CNTNAP3B: variants seen among roughly 807,000 people sequenced by gnomAD.
CNTNAP3B encodes contactin-associated protein-like 3B.
CNTNAP3B carries 25 observed loss-of-function variants against 108.9 expected under a neutral mutation model. The observed-to-expected ratio is 0.23, with a 90% CI of 0.17 to 0.32. The LOEUF is 0.32. Among genes scored for constraint, CNTNAP3B ranks in the 10% least tolerant of loss-of-function variants. The probability of loss-of-function intolerance (pLI) is 1.00; values close to 1 mark genes in which losing one functional copy is unlikely to be tolerated. For missense variants in CNTNAP3B, 252 were observed against 1,210.4 expected, an observed-to-expected ratio of 0.21 and a Z score of 11.75; for synonymous variants, 103 against 473.4, an observed-to-expected ratio of 0.22 and a Z score of 10.16.
chr9:41,960,870 T>C lies in CNTNAP3B; in HGVS notation c.1779A>G (p.Glu593=), dbSNP rs763969798. The change falls in exon 12 of 24, where the codon GAA becomes GAG. Residue 593 remains glutamate (E), a synonymous_variant. Coordinates refer to ENST00000377561, the MANE Select transcript of CNTNAP3B (RefSeq NM_001201380.3). ...CHSSLYEQSC[E]AHKHRGNPSG... is the part of the protein sequence containing the mutation. ...ATGGGTTCCCTCGGTGCTTGTGGGC[T>C]TCACAAGACTGCTCGTAGAGAGCTG... 6.2e-7 allele frequency: 1 copy of C among 1,605,788 alleles called. No homozygotes were observed. Among genetic ancestry groups the C allele is most frequent in the Admixed American group, 1.7e-5 (1 of 57,668 alleles).
chr9:42,060,974 AT>A (rs996971665), intron 3 of CNTNAP3B, among the ~76,000 whole-genome samples: 45 of 88,468 alleles, frequency 5.1e-4, no homozygotes, highest in Middle Eastern at 9.7e-3. Context: ...ACTTTTATGG[AT>A]TTTTTTTATT....
chr9:41,973,248 G>T (rs1233402056), intron 9 of CNTNAP3B, among the ~76,000 whole-genome samples: 1 of 143,964 alleles, frequency 6.9e-6, no homozygotes, highest in African/African-American at 2.6e-5. Context: ...CGCCCAGCCA[G>T]GTTATTCTTA....
chr9:42,125,143 TC>T (rs1828539203), intron 1 of CNTNAP3B, among the ~76,000 whole-genome samples: 1 of 136,132 alleles, frequency 7.3e-6, no homozygotes, highest in Non-Finnish European at 1.6e-5. Context: ...ATCACAGTCA[TC>T]ATGGATAAAG....
intron 9 of CNTNAP3B, among the ~76,000 whole-genome samples, chr9:41,972,533 A>G (rs1317272064): frequency 7.2e-6 from 1 of 138,470 alleles, no homozygotes; most frequent in Non-Finnish European, 1.5e-5. Flanking sequence ...TATCTCTTTA[A>G]CTTTAATACT....
At chr9:41,967,510 T>G (rs1338455813) in intron 10 of CNTNAP3B, among the ~76,000 whole-genome samples, 1 of 152,284 alleles carries the variant, frequency 6.6e-6, no homozygotes, top group African/African-American at 2.4e-5. Flanking sequence ...ATTAGCAGCA[T>G]GAGAACAGAC....
At chr9:42,093,243 G>A (rs1827837638) in intron 2 of CNTNAP3B, among the ~76,000 whole-genome samples, 1 of 94,926 alleles carries the variant, frequency 1.1e-5, no homozygotes, top group Non-Finnish European at 2.2e-5. Context: ...TACTCAGAAG[G>A]CTGAGGCAGG....
chr9:42,080,633 GTCAC>G (rs1347727381), intron 2 of CNTNAP3B, among the ~76,000 whole-genome samples: 1 of 115,302 alleles, frequency 8.7e-6, no homozygotes, highest in East Asian at 3.0e-4. Context: ...TAATTGTCCA[GTCAC>G]TCAGCCTCTC....
At chr9:41,929,227 T>A in intron 15 of CNTNAP3B, 90 bp downstream of exon 15, 2 of 1,433,866 alleles carry the variant, frequency 1.4e-6, no homozygotes, top group East Asian at 5.1e-5. Context: ...GCCACTATTC[T>A]CTTTCTGGCA....
chr9:42,049,427 A>G (rs1165100767), intron 3 of CNTNAP3B, among the ~76,000 whole-genome samples: 1 of 133,234 alleles, frequency 7.5e-6, no homozygotes, highest in Non-Finnish European at 1.6e-5. Context: ...GTTAGCATTT[A>G]TGTAGCCAAA....
At chr9:41,925,804 C>G (rs1416255035) in intron 15 of CNTNAP3B, among the ~76,000 whole-genome samples, 1 of 152,002 alleles carries the variant, frequency 6.6e-6, no homozygotes, top group Non-Finnish European at 1.5e-5. Flanking sequence ...CTTTTTTTTT[C>G]CCCTTTGTCA....
Position 41,953,351 on chromosome 9 carries a change from G to GGCCACCGTGCCGC in CNTNAP3B, c.1899_1911dup (p.Pro638AlafsTer74), listed in dbSNP as rs1824756558. 1 of 1,552,816 alleles carries GGCCACCGTGCCGC rather than the reference G, an allele frequency of 6.4e-7. No homozygotes were observed. Among genetic ancestry groups the GGCCACCGTGCCGC allele is most frequent in the Non-Finnish European group, 8.7e-7 (1 of 1,155,602 alleles). ...GCACCTCGGAGGGTCACCGCGTCGG[G>GGCCACCGTGCCGC]GCCACCGTGCCGCACCACCGTCCAC... On this transcript the variant is annotated frameshift_variant, in exon 13 of 24. Coordinates refer to ENST00000377561, the MANE Select transcript of CNTNAP3B (RefSeq NM_001201380.3). LOFTEE classifies it high-confidence loss of function.
intron 2 of CNTNAP3B, among the ~76,000 whole-genome samples, chr9:42,096,127 G>A (rs1827894130): frequency 7.1e-6 from 1 of 140,120 alleles, no homozygotes; most frequent in South Asian, 2.3e-4. Flanking sequence ...TCCTGTCACT[G>A]AATGTGCCGC....
At chr9:41,926,347 G>A (rs1188826662) in intron 15 of CNTNAP3B, among the ~76,000 whole-genome samples, 2 of 152,254 alleles carry the variant, frequency 1.3e-5, no homozygotes, top group Non-Finnish European at 2.9e-5. Context: ...GAATCAATAA[G>A]TGTTATGTTA....
chr9:41,994,553 A>AT (rs1825861277), intron 7 of CNTNAP3B: 1 of 233,926 alleles, frequency 4.3e-6, no homozygotes, highest in Admixed American at 7.3e-5. Flanking sequence ...TCTTGATGGT[A>AT]TTTTTCATTT....
intron 15 of CNTNAP3B, among the ~76,000 whole-genome samples, chr9:41,924,678 C>CACACACACACACACACACACAT (rs1823763449): frequency 1.6e-5 from 2 of 124,590 alleles, no homozygotes; most frequent in African/African-American, 3.2e-5. Context: ...CACACACACA[C>CACACACACACACACACACACAT]ACACACACAC....
At chr9:42,120,214 C>T (rs1828428562) in intron 1 of CNTNAP3B, among the ~76,000 whole-genome samples, 1 of 145,542 alleles carries the variant, frequency 6.9e-6, no homozygotes, top group East Asian at 2.1e-4. Flanking sequence ...AGCCAAAAAA[C>T]ACACGAAAAA....
chr9:41,969,827 T>C (rs1385609087), intron 10 of CNTNAP3B, among the ~76,000 whole-genome samples: 2 of 122,900 alleles, frequency 1.6e-5, no homozygotes, highest in Non-Finnish European at 1.7e-5. Context: ...GGTTTCACCA[T>C]GTTAGCCAGG....
intron 12 of CNTNAP3B, among the ~76,000 whole-genome samples, chr9:41,954,352 T>C (rs1186554474): frequency 6.6e-6 from 1 of 152,262 alleles, no homozygotes; most frequent in Non-Finnish European, 1.5e-5. Context: ...AATGGCTAAA[T>C]GGCTTGTGCG....
rs1490751159 is a variant in CNTNAP3B at position 41,918,461 on chromosome 9, C to T, written c.2995+1609G>A. ...AAAATGTGTTTAGTACACACATACA[C>T]ATACACACACCCCCCAAATATATCT... On this transcript the variant is annotated intron_variant, in intron 18 of 23. Coordinates refer to ENST00000377561, the MANE Select transcript of CNTNAP3B (RefSeq NM_001201380.3). Among the ~76,000 whole-genome samples the T allele has an allele frequency of 9.6e-5, 14 of 145,286 alleles. 2 individuals carry two copies. The highest frequency in any genetic ancestry group is 8.2e-4 in the Admixed American group (12 of 14,644).
Sources: allele counts gnomAD v4.1 joint callset (sites outside exome capture counted in the v4.1 genomes callset), GRCh38; gene constraint gnomAD v4.1.1; transcripts MANE v1.5; gene names NCBI Gene and HGNC (gene_info 2026-07-23, HGNC 2026-07-21).